WSCD2: variants seen among roughly 807,000 people sequenced by gnomAD.
WSCD2 encodes sialate:O-sulfotransferase 2.
A neutral mutation model predicts 55.7 loss-of-function variants in WSCD2; 28 were observed. The ratio of observed to expected loss-of-function variants is 0.50; its 90% confidence interval spans 0.37 to 0.69. The LOEUF is 0.69. WSCD2 is among the 30% of genes least tolerant of loss of function. The pLI is 0.00. For missense variants in WSCD2, 616 were observed against 762.1 expected, an observed-to-expected ratio of 0.81 and a Z score of 2.26; for synonymous variants, 301 against 301.9, an observed-to-expected ratio of 1.00 and a Z score of 0.03.
At chr12:108,193,075 T>G (rs1883394366) in intron 1 of WSCD2, among the ~76,000 whole-genome samples, 1 of 152,206 alleles carries the variant, frequency 6.6e-6, no homozygotes, top group South Asian at 2.1e-4. Flanking sequence ...TTACTAGCTC[T>G]GTGACCCTGA....
chr12:108,165,460 A>G (rs921685825), intron 1 of WSCD2, among the ~76,000 whole-genome samples: 5 of 152,280 alleles, frequency 3.3e-5, no homozygotes, highest in African/African-American at 1.2e-4. Context: ...TTGAACTTCT[A>G]GCTCAAGTGA....
chr12:108,230,966 C>T (rs1044634208), intron 6 of WSCD2, among the ~76,000 whole-genome samples: 2 of 152,036 alleles, frequency 1.3e-5, no homozygotes, highest in African/African-American at 2.4e-5. Context: ...AGCTGGTGGT[C>T]GCTGGAAGGG....
intron 1 of WSCD2, among the ~76,000 whole-genome samples, chr12:108,183,946 C>T (rs1882128336): frequency 1.3e-5 from 2 of 152,200 alleles, no homozygotes; most frequent in African/African-American, 4.8e-5. Flanking sequence ...GAGGCAATGG[C>T]ACAGGGTACA....
intron 2 of WSCD2, among the ~76,000 whole-genome samples, chr12:108,205,047 A>C (rs1358622252): frequency 6.6e-6 from 1 of 152,228 alleles, no homozygotes; most frequent in East Asian, 1.9e-4. Context: ...TTAAACATTT[A>C]TTCTGTGAAC....
At chr12:108,225,702 A>G (rs934518705) in intron 5 of WSCD2, among the ~76,000 whole-genome samples, 1 of 152,262 alleles carries the variant, frequency 6.6e-6, no homozygotes, top group East Asian at 1.9e-4. Flanking sequence ...CTCCCTAGCC[A>G]GGTTGTGAAC....
intron 1 of WSCD2, among the ~76,000 whole-genome samples, chr12:108,195,047 A>G (rs373901712): frequency 1.3e-5 from 2 of 152,094 alleles, no homozygotes; most frequent in South Asian, 4.2e-4. Context: ...GTCCCCAACT[A>G]GGGCCCACTA....
chr12:108,207,653 C>G (rs922702597), intron 3 of WSCD2, among the ~76,000 whole-genome samples: 1 of 148,578 alleles, frequency 6.7e-6, no homozygotes, highest in South Asian at 2.1e-4. Flanking sequence ...TCCCAAAGTG[C>G]TGGGATTACA....
intron 8 of WSCD2, among the ~76,000 whole-genome samples, chr12:108,241,547 G>A (rs1889746845): frequency 6.6e-6 from 1 of 152,142 alleles, no homozygotes; most frequent in African/African-American, 2.4e-5. Context: ...GCTTTTCCAG[G>A]GTAAGGGGGA....
chr12:108,248,603 T>C lies in WSCD2; in HGVS notation c.*260T>C. 1 of 1,240,954 alleles carries C rather than the reference T, an allele frequency of 8.1e-7. No individual in the cohort carries two copies. Among genetic ancestry groups the C allele is most frequent in the Non-Finnish European group, 1.0e-6 (1 of 985,474 alleles). The allele number at this position is 1,240,954 out of a possible 1,614,324, so 76.9% of individuals were successfully genotyped here. On this transcript the variant is annotated 3_prime_UTR_variant, in exon 9 of 9. Coordinates refer to ENST00000547525, the MANE Select transcript of WSCD2 (RefSeq NM_014653.4). This position sits in a 1 kb window ranked among gnomAD's most constrained non-coding sequence, Gnocchi z 4.3. ...TTTAGGGGGTTCTAGTTACATGGAC[T>C]CTTTTCTGTCTCCTGGGTCCCTGCC...
At chr12:108,159,872 C>A (rs1238699415) in intron 1 of WSCD2, among the ~76,000 whole-genome samples, 1 of 152,180 alleles carries the variant, frequency 6.6e-6, no homozygotes, top group African/African-American at 2.4e-5. Context: ...CCCTGGCAGA[C>A]AACAGAATCC....
chr12:108,222,444 T>A (rs771712864), intron 4 of WSCD2, among the ~76,000 whole-genome samples: 1 of 152,242 alleles, frequency 6.6e-6, no homozygotes, highest in Non-Finnish European at 1.5e-5. Flanking sequence ...AGCTGATGTT[T>A]CTGAAGTGCT....
intron 1 of WSCD2, among the ~76,000 whole-genome samples, chr12:108,144,807 C>T (rs927460442): frequency 6.6e-6 from 1 of 152,190 alleles, no homozygotes; most frequent in Non-Finnish European, 1.5e-5. Context: ...CTTTACTCCC[C>T]CAGCAGCCCT....
intron 1 of WSCD2, among the ~76,000 whole-genome samples, chr12:108,193,354 G>T (rs1370039211): frequency 6.6e-6 from 1 of 152,218 alleles, no homozygotes; most frequent in East Asian, 1.9e-4. Context: ...AGCAGGGACT[G>T]TGAATTATTT....
At chr12:108,189,325 C>T (rs561281392) in intron 1 of WSCD2, 1 of 152,276 alleles carries the variant, frequency 6.6e-6, no homozygotes, top group Non-Finnish European at 1.5e-5. Context: ...GGCTAAGTCC[C>T]ACTGGAGAAA....
At chr12:108,198,500 T>G (rs1278337969) in intron 2 of WSCD2, among the ~76,000 whole-genome samples, 1 of 152,212 alleles carries the variant, frequency 6.6e-6, no homozygotes, top group Non-Finnish European at 1.5e-5. Context: ...TGTCCCCTGA[T>G]AGAATATGAA....
At chr12:108,130,704 A>C (rs766828430) in intron 1 of WSCD2, among the ~76,000 whole-genome samples, 4 of 152,050 alleles carry the variant, frequency 2.6e-5, no homozygotes, top group African/African-American at 4.8e-5. Context: ...TTAGGTGAGC[A>C]AAAAAATAGG....
chr12:108,248,900 T>C lies in WSCD2; in HGVS notation c.*557T>C. On this transcript the variant is annotated 3_prime_UTR_variant, in exon 9 of 9. Transcript: ENST00000547525. This position sits in a 1 kb window ranked among gnomAD's most constrained non-coding sequence, Gnocchi z 4.3. Reference sequence around the variant, plus strand: ...AAGTTTCTCCGTGGCCTTAGGTTTCTGACATCCTGGATAGTGTGGGGAGGT... The same window carrying C: ...AAGTTTCTCCGTGGCCTTAGGTTTCCGACATCCTGGATAGTGTGGGGAGGT... The C allele has an allele frequency of 1.0e-6, 1 of 988,938 alleles. No individual in the cohort carries two copies. The highest frequency in any genetic ancestry group is 1.7e-5 in the African/African-American group (1 of 57,390). The allele number at this position is 988,938 out of a possible 1,614,324, so 61.3% of individuals were successfully genotyped here. A position where few individuals can be genotyped will look rare whatever the true frequency, so the allele number is the denominator to read the frequency against.
At chr12:108,215,253 C>A (rs2137122669) in intron 4 of WSCD2, among the ~76,000 whole-genome samples, 1 of 152,306 alleles carries the variant, frequency 6.6e-6, no homozygotes, top group East Asian at 1.9e-4. Flanking sequence ...ATATTGGGAG[C>A]AATGCAGGTT....
intron 1 of WSCD2, chr12:108,171,795 C>G (rs1175931705): frequency 6.6e-6 from 1 of 152,210 alleles, no homozygotes; most frequent in Non-Finnish European, 1.5e-5. Context: ...CAAGTGACTT[C>G]CCTTCTCTGG....
Sources: gnomAD v4.1 joint callset for allele counts (sites outside exome capture counted in the v4.1 genomes callset) on GRCh38, gnomAD v4.1.1 for gene constraint, Gnocchi (gnomAD v3.1) non-coding constraint, MANE v1.5 for transcripts, NCBI Gene and HGNC (gene_info 2026-07-23, HGNC 2026-07-21) for gene names.